Variants in KCNU1 observed in about 807,000 individuals in gnomAD.
The protein encoded by KCNU1 is potassium calcium-activated channel subfamily U member 1, also known as potassium channel subfamily U member 1.
KCNU1 carries 93 observed loss-of-function variants against 126.8 expected under a neutral mutation model. The ratio of observed to expected loss-of-function variants is 0.73; its 90% CI spans 0.62 to 0.87. The LOEUF (loss-of-function observed/expected upper bound fraction) is 0.87. Ranked by LOEUF, KCNU1 falls within the 40% of genes least tolerant of loss-of-function variation. KCNU1 has a pLI of 0.00. For synonymous variants in KCNU1, 523 were observed against 494.2 expected (o/e 1.06, Z -0.77); for missense variants, 1,330 against 1,367.1 (o/e 0.97, Z 0.43).
chr8:36,830,940 G>T (rs1034092748), intron 10 of KCNU1, among the ~76,000 whole-genome samples: 1 of 127,566 alleles, frequency 7.8e-6, no homozygotes, highest in African/African-American at 3.1e-5. Context: ...CCCAGAGTGT[G>T]ATGTTCCCCT....
intron 10 of KCNU1, among the ~76,000 whole-genome samples, chr8:36,825,117 CT>C (rs1419335290): frequency 6.6e-6 from 1 of 152,166 alleles, no homozygotes; most frequent in Non-Finnish European, 1.5e-5. Context: ...GGAAATGTAA[CT>C]CGACAAACTA....
Position 36,918,852 on chromosome 8 carries a change from A to C in KCNU1, c.2551A>C (p.Asn851His). 6.2e-7 allele frequency: 1 copy of C among 1,610,136 alleles called. No individual in the cohort carries two copies. The highest frequency in any genetic ancestry group is 8.5e-7 in the Non-Finnish European group (1 of 1,176,458). ...GACTCCAGGTTACACAAATGGACAT[A>C]ATGAGAAATCAAACTGCCGAAAAGT... Reference protein sequence around the residue: ...EETPGYTNGHNEKSNCRKVPI... With the variant: ...EETPGYTNGHHEKSNCRKVPI... The change falls in exon 23 of 27, where the codon AAT (asparagine) becomes CAT (histidine). Residue 851 changes from asparagine to histidine, a missense_variant. Asn to His is a moderately conservative substitution (Grantham distance 68, BLOSUM62 1). Transcript: ENST00000399881.
intron 19 of KCNU1, among the ~76,000 whole-genome samples, chr8:36,874,370 G>T (rs1806207282): frequency 6.6e-6 from 1 of 152,030 alleles, no homozygotes; most frequent in Non-Finnish European, 1.5e-5. Context: ...GAATTCTGTG[G>T]GGGCAGTCCT....
intron 7 of KCNU1, among the ~76,000 whole-genome samples, chr8:36,810,183 G>C (rs879510175): frequency 3.3e-5 from 5 of 151,330 alleles, no homozygotes; most frequent in Admixed American, 6.6e-5. Context: ...ACTTGGGAGG[G>C]ACAGGTTGCA....
chr8:36,849,662 T>G (rs1805274230), intron 18 of KCNU1, among the ~76,000 whole-genome samples: 1 of 152,202 alleles, frequency 6.6e-6, no homozygotes, highest in Non-Finnish European at 1.5e-5. Flanking sequence ...TTCTGTTGTA[T>G]TTTTCTTGCT....
chr8:36,796,142 A>T (rs541034065), intron 2 of KCNU1, among the ~76,000 whole-genome samples: 52 of 152,294 alleles, frequency 3.4e-4, no homozygotes, highest in African/African-American at 1.2e-3. Context: ...CTTGTTTGAT[A>T]CATTATCTAT....
chr8:36,802,467 A>G (rs1443172906), intron 2 of KCNU1, among the ~76,000 whole-genome samples: 4 of 152,124 alleles, frequency 2.6e-5, no homozygotes, highest in Non-Finnish European at 4.4e-5. Context: ...CCAGGACATA[A>G]TCTGTCCCTT....
chr8:36,828,094 A>C (rs2130520973), intron 10 of KCNU1, among the ~76,000 whole-genome samples: 1 of 152,056 alleles, frequency 6.6e-6, no homozygotes, highest in Non-Finnish European at 1.5e-5. Context: ...TATTATATTA[A>C]ATCACTTCTT....
chr8:36,807,817 A>T (rs1245924392), intron 6 of KCNU1, among the ~76,000 whole-genome samples: 1 of 151,996 alleles, frequency 6.6e-6, no homozygotes, highest in African/African-American at 2.4e-5. Flanking sequence ...GCTAGGTAAA[A>T]AAAAAAGAAA....
intron 10 of KCNU1, among the ~76,000 whole-genome samples, chr8:36,821,128 G>GA (rs1471012245): frequency 6.6e-6 from 1 of 152,132 alleles, no homozygotes; most frequent in African/African-American, 2.4e-5. Flanking sequence ...GCACACACAA[G>GA]AATCAGGCAG....
chr8:36,885,647 A>C (rs1806670110), intron 19 of KCNU1, among the ~76,000 whole-genome samples: 1 of 151,414 alleles, frequency 6.6e-6, no homozygotes, highest in South Asian at 2.1e-4. Context: ...ACAAAAATTA[A>C]CTGGTCATGG....
chr8:36,935,391 G>T lies in KCNU1; in HGVS notation c.3045-124G>T, dbSNP rs1808820468. The stretch of plus-strand genomic sequence containing the variant: ...TTACTATTAATCAGAAACCCATGAA[G>T]CAAAACAAAACAAAAACGTTTCCTC... On this transcript the variant is annotated intron_variant, in intron 26 of 26. Transcript: ENST00000399881. The T allele has an allele frequency of 1.2e-5, 9 of 724,534 alleles. No homozygotes were observed. In the South Asian group the frequency reaches 1.7e-4, roughly 13 times the overall value. The allele number at this position is 724,534 out of a possible 1,614,324, so 44.9% of individuals were successfully genotyped here. A position where few individuals can be genotyped will look rare whatever the true frequency, so the allele number is the denominator to read the frequency against.
intron 18 of KCNU1, among the ~76,000 whole-genome samples, chr8:36,846,142 C>T (rs1585451189): frequency 6.6e-6 from 1 of 152,228 alleles, no homozygotes; most frequent in Non-Finnish European, 1.5e-5. Flanking sequence ...GATCCAGTCA[C>T]TTTGTCCAAA....
intron 18 of KCNU1, among the ~76,000 whole-genome samples, chr8:36,850,326 T>C (rs1418056781): frequency 6.6e-6 from 1 of 152,218 alleles, no homozygotes; most frequent in Non-Finnish European, 1.5e-5. Flanking sequence ...TTCAATGATA[T>C]ATTTTTTATT....
At chr8:36,879,691 A>AC (rs1806403824) in intron 19 of KCNU1, among the ~76,000 whole-genome samples, 3 of 152,174 alleles carry the variant, frequency 2.0e-5, no homozygotes, top group African/African-American at 4.8e-5. Context: ...TGTAGGAATA[A>AC]GAAAAAAATT....
intron 21 of KCNU1, 130 bp downstream of exon 21, chr8:36,909,665 T>A: frequency 1.6e-6 from 1 of 626,574 alleles, no homozygotes; most frequent in Non-Finnish European, 2.7e-6. Flanking sequence ...ATATTTTACC[T>A]ATATTAATTC....
chr8:36,816,057 A>G (rs910302555), intron 9 of KCNU1, among the ~76,000 whole-genome samples: 4 of 152,150 alleles, frequency 2.6e-5, no homozygotes, highest in African/African-American at 4.8e-5. Flanking sequence ...CTTATGGCTA[A>G]CTTTACATAA....
intron 18 of KCNU1, among the ~76,000 whole-genome samples, chr8:36,859,811 G>A (rs1423027141): frequency 6.6e-6 from 1 of 152,010 alleles, no homozygotes; most frequent in Non-Finnish European, 1.5e-5. Context: ...AGAGTTTTTT[G>A]AAATGTTGAC....
rs570782509 is a variant in KCNU1, at chr8:36,864,430, T to A, written c.1918T>A (p.Cys640Ser). ...GCCATCGGTAAAGAGAATGAAAAAA[T>A]GTCTGAAGGGAATCTCCTCTCGTAT... ...TVPSVKRMKK[C>S]LKGISSRISG... Residue 640 changes from cysteine to serine, a missense_variant, in exon 19 of 27, where the codon TGT becomes AGT. By Grantham distance (112) the Cys-to-Ser change is moderately radical. Coordinates refer to ENST00000399881, the MANE Select transcript of KCNU1 (RefSeq NM_001031836.3). 1 of 1,610,992 alleles carries A rather than the reference T, an allele frequency of 6.2e-7. No homozygotes were observed. The highest frequency in any genetic ancestry group is 1.1e-5 in the South Asian group (1 of 91,000).
Sources: gnomAD v4.1 joint callset for allele counts (sites outside exome capture counted in the v4.1 genomes callset) on GRCh38, gnomAD v4.1.1 for gene constraint, MANE v1.5 for transcripts, NCBI Gene and HGNC (gene_info 2026-07-23, HGNC 2026-07-21) for gene names.